The following MIR2052HG variants were observed in gnomAD, a reference collection of about 807,000 sequenced individuals.
The protein encoded by MIR2052HG is MIR2052 host gene.
intron 1 of MIR2052HG, chr8:74,603,911 G>A: frequency 1.8e-6 from 2 of 1,110,264 alleles, no homozygotes; most frequent in Non-Finnish European, 2.8e-6. Flanking sequence ...TTTCCAATGA[G>A]AGAGCCACAC....
At chr8:74,725,463 G>A (rs1719715679) in intron 4 of MIR2052HG, among the ~76,000 whole-genome samples, 1 of 152,150 alleles carries the variant, frequency 6.6e-6, no homozygotes, top group South Asian at 2.1e-4. Flanking sequence ...ATGTTGACTT[G>A]GAATGAATAA....
At chr8:74,625,714 CTT>C (rs1387203264) in intron 2 of MIR2052HG, among the ~76,000 whole-genome samples, 2 of 152,166 alleles carry the variant, frequency 1.3e-5, no homozygotes, top group African/African-American at 4.8e-5. Context: ...CATTTAAAGA[CTT>C]TGACAATTGA....
intron 2 of MIR2052HG, among the ~76,000 whole-genome samples, chr8:74,668,470 T>C (rs1477990848): frequency 6.6e-6 from 1 of 152,208 alleles, no homozygotes; most frequent in Non-Finnish European, 1.5e-5. Flanking sequence ...AGGGAGGAAC[T>C]AGAGCAGTTG....
intron 2 of MIR2052HG, among the ~76,000 whole-genome samples, chr8:74,656,058 C>A (rs1429358553): frequency 1.3e-5 from 2 of 152,114 alleles, no homozygotes; most frequent in African/African-American, 4.8e-5. Context: ...CCTGTAACCC[C>A]TTTGTTTTGG....
At chr8:74,641,152 A>G (rs1435988616) in intron 2 of MIR2052HG, among the ~76,000 whole-genome samples, 2 of 152,206 alleles carry the variant, frequency 1.3e-5, no homozygotes, top group Non-Finnish European at 2.9e-5. Flanking sequence ...ACATTCATTA[A>G]TTATTGAAAA....
intron 2 of MIR2052HG, among the ~76,000 whole-genome samples, chr8:74,700,059 A>G (rs1222952501): frequency 6.6e-6 from 1 of 152,200 alleles, no homozygotes; most frequent in Non-Finnish European, 1.5e-5. Context: ...TGATGAAGGT[A>G]AAATCATTTT....
chr8:74,722,576 G>A (rs572498406), intron 4 of MIR2052HG, among the ~76,000 whole-genome samples: 4 of 151,840 alleles, frequency 2.6e-5, no homozygotes, highest in African/African-American at 4.8e-5. Context: ...ATATTTTTGG[G>A]TTATTTTTAT....
At chr8:74,693,933 C>T (rs1266852064) in intron 2 of MIR2052HG, among the ~76,000 whole-genome samples, 1 of 152,144 alleles carries the variant, frequency 6.6e-6, no homozygotes, top group Non-Finnish European at 1.5e-5. Context: ...TGGCCCTGCC[C>T]ACCAACTGAG....
intron 2 of MIR2052HG, among the ~76,000 whole-genome samples, chr8:74,627,075 C>A (rs1199554194): frequency 1.3e-5 from 2 of 152,214 alleles, no homozygotes; most frequent in Admixed American, 1.3e-4. Context: ...TCTCACCCTG[C>A]CCACAGTCTC....
intron 1 of MIR2052HG, among the ~76,000 whole-genome samples, chr8:74,600,784 C>A (rs1044425810): frequency 2.0e-5 from 3 of 151,942 alleles, no homozygotes; most frequent in African/African-American, 7.2e-5. Context: ...CCATGTTGGC[C>A]AGGATGGTCT....
rs972977902 is a variant in MIR2052HG, at chr8:74,726,527, T to G, written n.371+22845T>G. Reference sequence around the variant, plus strand: ...AACATACAGGTTTAAGATTTCCATCTAATAGTTTTAATTTAAACATGTCTG... The same window carrying G: ...AACATACAGGTTTAAGATTTCCATCGAATAGTTTTAATTTAAACATGTCTG... On this transcript the variant is annotated intron_variant and non_coding_transcript_variant, in intron 4 of 6. Coordinates refer to ENST00000523442, the Ensembl canonical transcript of MIR2052HG. Among the ~76,000 whole-genome samples the G allele has an allele frequency of 1.9e-4, 29 of 152,348 alleles. 1 individual carries two copies. The highest frequency in any genetic ancestry group is 6.5e-4 in the African/African-American group (27 of 41,586).
In MIR2052HG at chr8:74,603,688, G is replaced by A. The variant is rs141338756; in HGVS notation, n.128+3780G>A. 6 of 989,006 alleles carry A rather than the reference G, an allele frequency of 6.1e-6. No individual in the cohort carries two copies. In the East Asian group the frequency reaches 7.1e-5, roughly 12 times the overall value. The allele number at this position is 989,006 out of a possible 1,614,324, so 61.3% of individuals were successfully genotyped here. On this transcript the variant is annotated intron_variant and non_coding_transcript_variant, in intron 1 of 6. Transcript: ENST00000523442. ...GGCCTGACCGCCTGCAAAGATGACCGGAGAGCTGGAAGGCTTGAGCTGGTA... is the reference window on the plus strand; with the variant it reads ...GGCCTGACCGCCTGCAAAGATGACCAGAGAGCTGGAAGGCTTGAGCTGGTA...
intron 2 of MIR2052HG, chr8:74,613,071 C>A (rs190086462): frequency 2.0e-5 from 7 of 341,994 alleles, no homozygotes; most frequent in African/African-American, 1.3e-4. Context: ...ATGAGAGAGG[C>A]CACGGCTACA....
chr8:74,707,838 A>G (rs1199441722), intron 4 of MIR2052HG, among the ~76,000 whole-genome samples: 4 of 152,112 alleles, frequency 2.6e-5, no homozygotes, highest in Non-Finnish European at 5.9e-5. Flanking sequence ...AAATAAATCA[A>G]CCGGAGATGA....
At chr8:74,600,839 G>C (rs1004972029) in intron 1 of MIR2052HG, among the ~76,000 whole-genome samples, 1 of 152,110 alleles carries the variant, frequency 6.6e-6, no homozygotes, top group African/African-American at 2.4e-5. Flanking sequence ...CTCCCAAAGT[G>C]CTGGGATTAC....
intron 1 of MIR2052HG, among the ~76,000 whole-genome samples, chr8:74,609,205 G>T (rs1049154247): frequency 6.6e-6 from 1 of 151,760 alleles, no homozygotes. Flanking sequence ...TACAAGAAAA[G>T]AACAAATACC....
intron 2 of MIR2052HG, among the ~76,000 whole-genome samples, chr8:74,696,957 C>T (rs2128740427): frequency 6.6e-6 from 1 of 152,084 alleles, no homozygotes; most frequent in Admixed American, 6.6e-5. Context: ...GGAATCCTCC[C>T]TAAATCATTC....
At position 74,678,316 on chromosome 8, in the gene MIR2052HG, T is replaced by G. The variant is rs1035239825; in HGVS notation, n.217-24063T>G. Among the ~76,000 whole-genome samples, 50 of 152,218 alleles carry G rather than the reference T, an allele frequency of 3.3e-4. No homozygotes were observed. In the Middle Eastern group the frequency reaches 0.01, roughly 31 times the overall value. ...GCTCAGGCCTGTAATTCTAGCACTTTGGGAGGCCAAGGCCGGCAGATCGCC... is the reference window on the plus strand; with the variant it reads ...GCTCAGGCCTGTAATTCTAGCACTTGGGGAGGCCAAGGCCGGCAGATCGCC... On this transcript the variant is annotated intron_variant and non_coding_transcript_variant, in intron 2 of 6. Transcript: ENST00000523442.
At chr8:74,717,179 C>A (rs965482008) in intron 4 of MIR2052HG, among the ~76,000 whole-genome samples, 2 of 151,780 alleles carry the variant, frequency 1.3e-5, no homozygotes, top group Admixed American at 6.6e-5. Flanking sequence ...CCCTGAAAGA[C>A]CCTTCCTTGT....
Sources: gnomAD v4.1 joint callset for allele counts (sites outside exome capture counted in the v4.1 genomes callset) on GRCh38, gnomAD v4.1.1 for gene constraint, MANE v1.5 for transcripts, NCBI Gene and HGNC (gene_info 2026-07-23, HGNC 2026-07-21) for gene names.